The following BAZ2B variants were observed in gnomAD, a reference collection of about 807,000 sequenced individuals.
BAZ2B encodes bromodomain adjacent to zinc finger domain protein 2B.
Under a neutral mutation model 246.0 loss-of-function variants are expected in BAZ2B, and 91 were observed. That is an observed-to-expected ratio of 0.37 (90% confidence interval 0.31 to 0.44). The LOEUF (loss-of-function observed/expected upper bound fraction) is 0.44. Among genes scored for constraint, BAZ2B ranks in the 20% least tolerant of loss-of-function variants. The pLI is 1.00. For missense variants in BAZ2B, 2,332 were observed against 2,533.7 expected (o/e 0.92, Z 1.71); for synonymous variants, 855 against 860.0 (o/e 0.99, Z 0.10).
chr2:159,463,336 A>G, intron 3 of BAZ2B: 1 of 260,262 alleles, frequency 3.8e-6, no homozygotes, highest in South Asian at 4.4e-5. Flanking sequence ...TCGTTCTGCA[A>G]TGAACATGGG....
At chr2:159,578,388 C>T (rs1685871683) in intron 1 of BAZ2B, among the ~76,000 whole-genome samples, 1 of 152,134 alleles carries the variant, frequency 6.6e-6, no homozygotes, top group African/African-American at 2.4e-5. Flanking sequence ...ACCCTTTGCC[C>T]TTTTTGGAGA....
chr2:159,625,232 T>C, the BAZ2B span, among the ~76,000 whole-genome samples: 1 of 151,738 alleles, frequency 6.6e-6, no homozygotes, highest in Non-Finnish European at 1.5e-5. Flanking sequence ...ACAGAGAGAA[T>C]AGAACCAAGT....
intron 2 of BAZ2B, among the ~76,000 whole-genome samples, chr2:159,553,834 C>CG (rs1194908731): frequency 6.6e-6 from 1 of 152,148 alleles, no homozygotes; most frequent in African/African-American, 2.4e-5. Context: ...TTAGTTCTTA[C>CG]TATGTCATCT....
chr2:159,623,785 G>A, the BAZ2B span, among the ~76,000 whole-genome samples: 1 of 152,192 alleles, frequency 6.6e-6, no homozygotes. Flanking sequence ...ATATATACAG[G>A]AAGTTATTCT....
intron 2 of BAZ2B, among the ~76,000 whole-genome samples, chr2:159,553,392 C>CAAAAAAAAAA (rs35253250): frequency 2.4e-4 from 18 of 73,814 alleles, no homozygotes; most frequent in African/African-American, 5.4e-4. Context: ...GACTCTGTCT[C>CAAAAAAAAAA]AAAAAAAAAA....
At chr2:159,699,939 C>T in the BAZ2B span, among the ~76,000 whole-genome samples, 1 of 152,276 alleles carries the variant, frequency 6.6e-6, no homozygotes, top group East Asian at 1.9e-4. Flanking sequence ...TTGCTGCTTC[C>T]TCTAGAGAGG....
intron 31 of BAZ2B, among the ~76,000 whole-genome samples, chr2:159,343,689 C>G (rs942549017): frequency 6.8e-6 from 1 of 147,698 alleles, no homozygotes; most frequent in Non-Finnish European, 1.5e-5. Context: ...ATCAAAGCCA[C>G]AATGAGATAT....
chr2:159,675,977 C>T, the BAZ2B span, among the ~76,000 whole-genome samples: 1 of 152,170 alleles, frequency 6.6e-6, no homozygotes, highest in East Asian at 1.9e-4. Flanking sequence ...CTCACTGCAA[C>T]CTCCACCCCC....
chr2:159,534,630 CTTT>C (rs111666633), intron 2 of BAZ2B, among the ~76,000 whole-genome samples: 1 of 144,544 alleles, frequency 6.9e-6, no homozygotes. Flanking sequence ...ATAATTTCTT[CTTT>C]TTTTTTTTTT....
chr2:159,390,655 C>A (rs150384248), intron 20 of BAZ2B, among the ~76,000 whole-genome samples: 4 of 152,188 alleles, frequency 2.6e-5, no homozygotes, highest in African/African-American at 9.6e-5. Flanking sequence ...AACATGGGAT[C>A]AGAGAGTAGA....
the BAZ2B span, among the ~76,000 whole-genome samples, chr2:159,710,514 T>C: frequency 6.6e-6 from 1 of 152,176 alleles, no homozygotes; most frequent in East Asian, 1.9e-4. Flanking sequence ...GGCTGCAAAA[T>C]GTCTGCAGCA....
chr2:159,339,298 G>C (rs1194841328), intron 31 of BAZ2B, among the ~76,000 whole-genome samples: 3 of 152,062 alleles, frequency 2.0e-5, no homozygotes, highest in Non-Finnish European at 4.4e-5. Flanking sequence ...ATTCAAACAT[G>C]AGGATGAGAT....
chr2:159,428,242 C>T, intron 12 of BAZ2B, 69 bp downstream of exon 12: 2 of 1,348,858 alleles, frequency 1.5e-6, no homozygotes, highest in Non-Finnish European at 2.1e-6. Context: ...GAAAGGAGTA[C>T]ACTTTTTTTT....
chr2:159,369,461 C>T lies in BAZ2B; in HGVS notation c.4213+3584G>A, dbSNP rs1016863293. ...TCAGAGTAGAGACATGATATGATGA[C>T]AGAATGTGATGGAAGGAGGGAATTG... On this transcript the variant is annotated intron_variant, in intron 27 of 36. Coordinates refer to ENST00000392783, the MANE Select transcript of BAZ2B (RefSeq NM_013450.4). 4.6e-5 allele frequency among the ~76,000 whole-genome samples: 7 copies of T among 151,998 alleles called. No homozygotes were observed. In the South Asian group the frequency reaches 1.5e-3, roughly 32 times the overall value.
chr2:159,501,158 A>AT (rs1553680908), intron 2 of BAZ2B, among the ~76,000 whole-genome samples: 8 of 7,106 alleles, frequency 1.1e-3, no homozygotes, highest in East Asian at 9.1e-3. Flanking sequence ...TAATATATAT[A>AT]AATATATAAT....
intron 2 of BAZ2B, among the ~76,000 whole-genome samples, chr2:159,545,628 A>G (rs1385474926): frequency 1.3e-5 from 2 of 152,182 alleles, no homozygotes; most frequent in East Asian, 3.8e-4. Flanking sequence ...TGTTGCATAG[A>G]TATTTACTGG....
chr2:159,502,538 AC>A (rs2081955309), intron 2 of BAZ2B, among the ~76,000 whole-genome samples: 1 of 151,646 alleles, frequency 6.6e-6, no homozygotes, highest in South Asian at 2.1e-4. Flanking sequence ...GGAGGCTGAG[AC>A]AAGAGGACTG....
chr2:159,690,791 C>T, the BAZ2B span, among the ~76,000 whole-genome samples: 4 of 152,160 alleles, frequency 2.6e-5, no homozygotes, highest in East Asian at 1.9e-4. Flanking sequence ...CTAAACCCTG[C>T]TCTAGGGTTT....
chr2:159,586,678 G>A (rs1165792877), intron 1 of BAZ2B, among the ~76,000 whole-genome samples: 1 of 151,916 alleles, frequency 6.6e-6, no homozygotes, highest in Non-Finnish European at 1.5e-5. Flanking sequence ...AGAACAACCT[G>A]AGCAACAAAA....
Sources: allele counts gnomAD v4.1 joint callset (sites outside exome capture counted in the v4.1 genomes callset), GRCh38; gene constraint gnomAD v4.1.1; transcripts MANE v1.5; gene names NCBI Gene and HGNC (gene_info 2026-07-23, HGNC 2026-07-21).